The following NFAT5 variants were observed in gnomAD, a reference collection of about 807,000 sequenced individuals.
NFAT5 encodes the protein nuclear factor of activated T-cells 5.
A neutral mutation model predicts 166.5 loss-of-function variants in NFAT5; 31 were observed. The observed-to-expected ratio is 0.19, with a 90% confidence interval of 0.14 to 0.25. The LOEUF is 0.25. NFAT5 is among the 10% of genes least tolerant of loss of function. NFAT5 has a pLI of 1.00. For synonymous variants in NFAT5, 612 were observed against 639.7 expected, an observed-to-expected ratio of 0.96 and a Z score of 0.65; for missense variants, 1,449 against 1,821.8, an observed-to-expected ratio of 0.80 and a Z score of 3.72.
At chr16:69,610,206 G>A (rs1473537948) in intron 2 of NFAT5, among the ~76,000 whole-genome samples, 1 of 152,146 alleles carries the variant, frequency 6.6e-6, no homozygotes, top group East Asian at 1.9e-4. Flanking sequence ...GTGATAATGG[G>A]GTGGAAGTTG....
intron 2 of NFAT5, among the ~76,000 whole-genome samples, chr16:69,607,114 A>T (rs1419530015): frequency 6.6e-6 from 1 of 152,170 alleles, no homozygotes; most frequent in African/African-American, 2.4e-5. Flanking sequence ...CAACTCTACA[A>T]GGTAGATAGG....
In NFAT5 at chr16:69,670,035, A is replaced by G. The variant is rs2151671248; in HGVS notation, c.1428A>G (p.Lys476=). The part of the protein sequence containing the change: ...LKKSLHSCSV[K]GEEEVFLIGK... The stretch of plus-strand genomic sequence containing the variant: ...AAAGCTTGCATAGCTGTTCAGTGAA[A>G]GGAGAAGAAGAAGTGTTTTTAATCG... Residue 476 remains lysine (K), a synonymous_variant, in exon 8 of 15, where the codon AAA becomes AAG. Transcript: ENST00000349945. 1 of 1,613,338 alleles carries G rather than the reference A, an allele frequency of 6.2e-7. No individual in the cohort carries two copies. The highest frequency in any genetic ancestry group is 8.5e-7 in the Non-Finnish European group (1 of 1,179,740).
intron 11 of NFAT5, among the ~76,000 whole-genome samples, chr16:69,688,890 C>T (rs546558656): frequency 6.6e-6 from 1 of 152,304 alleles, no homozygotes; most frequent in East Asian, 1.9e-4. Context: ...TAAGATAACA[C>T]TAATGGTTTT....
At chr16:69,633,119 C>T (rs576715752) in intron 3 of NFAT5, among the ~76,000 whole-genome samples, 22 of 152,284 alleles carry the variant, frequency 1.4e-4, no homozygotes, top group Non-Finnish European at 2.4e-4. Context: ...TTGACATTGC[C>T]AAAAAGCAAA....
intron 6 of NFAT5, 70 bp from the exon 7 acceptor site, chr16:69,659,657 C>T: frequency 7.8e-7 from 1 of 1,286,764 alleles, no homozygotes; most frequent in Non-Finnish European, 1.0e-6. Context: ...TAAAAACAAA[C>T]TTGTTGATTA....
intron 2 of NFAT5, among the ~76,000 whole-genome samples, chr16:69,606,229 C>T (rs1210982725): frequency 1.3e-5 from 2 of 152,180 alleles, no homozygotes; most frequent in Admixed American, 6.5e-5. Context: ...ATCCTCCCAT[C>T]TTCCCCTTCC....
At chr16:69,621,597 A>G (rs980143820) in intron 2 of NFAT5, among the ~76,000 whole-genome samples, 3 of 152,206 alleles carry the variant, frequency 2.0e-5, no homozygotes, top group African/African-American at 7.2e-5. Context: ...GATTTAAAAG[A>G]TAACATAAGA....
chr16:69,662,722 A>G (rs1474110021), intron 7 of NFAT5, among the ~76,000 whole-genome samples: 2 of 151,894 alleles, frequency 1.3e-5, no homozygotes, highest in African/African-American at 2.4e-5. Context: ...GGCCTCCCAA[A>G]GTGCTGGGGT....
Position 69,698,957 on chromosome 16 carries a change from G to A in NFAT5, c.*2606G>A, listed in dbSNP as rs1352815104. On this transcript the variant is annotated 3_prime_UTR_variant, in exon 15 of 15. Coordinates refer to ENST00000349945, the MANE Select transcript of NFAT5 (RefSeq NM_138713.4). Reference sequence around the variant, plus strand: ...AGCCCCTATTGGGAAAAATTACCCAGTATAGTTCAGGTTATGAGGAGGATC... The same window carrying A: ...AGCCCCTATTGGGAAAAATTACCCAATATAGTTCAGGTTATGAGGAGGATC... The A allele has an allele frequency of 6.6e-6, 1 of 152,548 alleles. No homozygotes were observed. Among genetic ancestry groups the A allele is most frequent in the Non-Finnish European group, 1.5e-5 (1 of 68,022 alleles). 9.4% of individuals were successfully genotyped at this position (152,548 alleles called of 1,614,324 possible).
At chr16:69,640,769 G>A (rs1360890245) in intron 3 of NFAT5, among the ~76,000 whole-genome samples, 3 of 151,524 alleles carry the variant, frequency 2.0e-5, no homozygotes, top group African/African-American at 7.3e-5. Context: ...ATCAGCTGAG[G>A]TCAGGAGTTC....
chr16:69,669,321 A>G (rs2036530651), intron 7 of NFAT5, among the ~76,000 whole-genome samples: 2 of 152,180 alleles, frequency 1.3e-5, no homozygotes, highest in African/African-American at 4.8e-5. Context: ...TGGGAGGCCA[A>G]GGTGGGTGGA....
At chr16:69,644,389 A>G (rs2035346784) in intron 3 of NFAT5, among the ~76,000 whole-genome samples, 1 of 152,192 alleles carries the variant, frequency 6.6e-6, no homozygotes, top group South Asian at 2.1e-4. Context: ...ATATTTTTCT[A>G]TTAAAAGATG....
intron 4 of NFAT5, among the ~76,000 whole-genome samples, chr16:69,650,183 T>C (rs1285599218): frequency 1.3e-5 from 2 of 152,090 alleles, no homozygotes; most frequent in African/African-American, 4.8e-5. Context: ...ACGAATAAAT[T>C]AGAATGTCAT....
At chr16:69,586,162 A>G (rs535582414) in intron 2 of NFAT5, among the ~76,000 whole-genome samples, 1 of 152,264 alleles carries the variant, frequency 6.6e-6, no homozygotes, top group African/African-American at 2.4e-5. Flanking sequence ...AAAAGAATAT[A>G]GTGTTTTAGT....
intron 3 of NFAT5, 30 bp from the exon 4 acceptor site, chr16:69,646,998 G>C: frequency 6.6e-7 from 1 of 1,507,854 alleles, no homozygotes; most frequent in East Asian, 2.3e-5. Flanking sequence ...AACATGTATA[G>C]TGTATTTACT....
At chr16:69,677,174 T>C (rs1172799655) in intron 9 of NFAT5, 29 bp from the exon 10 acceptor site, 1 of 1,587,440 alleles carries the variant, frequency 6.3e-7, no homozygotes, top group African/African-American at 1.4e-5. Context: ...TTGCTTCTTT[T>C]CCAACTCTTG....
chr16:69,653,161 T>G, intron 4 of NFAT5, 75 bp from the exon 5 acceptor site: 1 of 1,061,604 alleles, frequency 9.4e-7, no homozygotes, highest in Non-Finnish European at 1.3e-6. Context: ...GTTTCTTCCT[T>G]TGTCTTAATG....
chr16:69,633,420 C>T (rs1178366561), intron 3 of NFAT5, among the ~76,000 whole-genome samples: 3 of 151,936 alleles, frequency 2.0e-5, no homozygotes, highest in Admixed American at 6.6e-5. Flanking sequence ...AAAATATAAG[C>T]AAAAAGTGTT....
intron 2 of NFAT5, among the ~76,000 whole-genome samples, chr16:69,624,154 A>G (rs752384151): frequency 2.0e-5 from 3 of 152,196 alleles, no homozygotes; most frequent in Non-Finnish European, 2.9e-5. Context: ...TTGAAGATGA[A>G]CATTTCAAGC....
Sources: gnomAD v4.1 joint callset for allele counts (sites outside exome capture counted in the v4.1 genomes callset) on GRCh38, gnomAD v4.1.1 for gene constraint, MANE v1.5 for transcripts, NCBI Gene and HGNC (gene_info 2026-07-23, HGNC 2026-07-21) for gene names.